The following RBFOX2 variants were observed in gnomAD, a reference collection of about 807,000 sequenced individuals.
RBFOX2 encodes the protein RNA binding protein fox-1 homolog 2.
RBFOX2 carries 10 observed loss-of-function variants against 49.1 expected under a neutral mutation model. The observed-to-expected ratio is 0.20, with a 90% CI of 0.13 to 0.35. The LOEUF (loss-of-function observed/expected upper bound fraction) is 0.35. Among genes scored for constraint, RBFOX2 ranks in the 10% least tolerant of loss-of-function variants. The pLI, the probability that RBFOX2 is intolerant of heterozygous loss-of-function variation, is 1.00. For missense variants in RBFOX2, 323 were observed against 486.9 expected, an observed-to-expected ratio of 0.66 and a Z score of 3.17; for synonymous variants, 183 against 187.4, an observed-to-expected ratio of 0.98 and a Z score of 0.19.
At chr22:35,916,875 A>T (rs1365427662) in intron 1 of RBFOX2, among the ~76,000 whole-genome samples, 1 of 151,598 alleles carries the variant, frequency 6.6e-6, no homozygotes, top group Admixed American at 6.6e-5. Flanking sequence ...TATCTGAAAA[A>T]TTTAAAAAAA....
intron 5 of RBFOX2, among the ~76,000 whole-genome samples, chr22:35,766,042 T>C (rs1212802517): frequency 6.6e-6 from 1 of 152,214 alleles, no homozygotes; most frequent in Non-Finnish European, 1.5e-5. Flanking sequence ...CTAGACTACA[T>C]GGTCTATCAA....
chr22:36,021,254 G>A (rs976473120), intron 1 of RBFOX2, among the ~76,000 whole-genome samples: 1 of 104,580 alleles, frequency 9.6e-6, no homozygotes, highest in Non-Finnish European at 1.8e-5. Context: ...CCTGGGGTGG[G>A]GGGAGGGGGG....
upstream of RBFOX2, among the ~76,000 whole-genome samples, chr22:35,844,913 G>T (rs1322367395): frequency 6.6e-6 from 1 of 152,012 alleles, no homozygotes; most frequent in African/African-American, 2.4e-5. Context: ...GAATAGTTCA[G>T]ATTCTAGACA....
rs946041609 is a variant in RBFOX2 at position 35,750,865 on chromosome 22, A to T, written c.888-4304T>A. On this transcript the variant is annotated intron_variant, in intron 9 of 11. Coordinates refer to ENST00000405409, the Ensembl canonical transcript of RBFOX2. ...TTCACATATCTGTAACCTATCTCTG[A>T]CTTCAAGTTCCAGCTTCTTCAAAGG... is the stretch of plus-strand genomic sequence containing the variant. Among the ~76,000 whole-genome samples, 4 of 152,308 alleles carry T rather than the reference A, an allele frequency of 2.6e-5. No individual in the cohort carries two copies. The South Asian group carries it at 8.3e-4, about 32-fold the overall frequency.
chr22:36,009,138 A>T (rs1222141548), intron 1 of RBFOX2, among the ~76,000 whole-genome samples: 1 of 152,182 alleles, frequency 6.6e-6, no homozygotes, highest in Non-Finnish European at 1.5e-5. Flanking sequence ...ATAAATACTG[A>T]ACTCTGCAGC....
At chr22:35,747,349 C>T (rs1227483630) in intron 9 of RBFOX2, 1 of 152,248 alleles carries the variant, frequency 6.6e-6, no homozygotes, top group African/African-American at 2.4e-5. Flanking sequence ...GCTTCTAGCA[C>T]TTAACTGCAT....
intron 1 of RBFOX2, among the ~76,000 whole-genome samples, chr22:36,013,849 T>C (rs1569523323): frequency 1.3e-5 from 2 of 151,980 alleles, no homozygotes; most frequent in African/African-American, 2.4e-5. Context: ...GTAAAGGGGA[T>C]AGGGACACAT....
At chr22:35,903,365 T>G (rs1051841145) in intron 1 of RBFOX2, among the ~76,000 whole-genome samples, 1 of 152,202 alleles carries the variant, frequency 6.6e-6, no homozygotes, top group Non-Finnish European at 1.5e-5. Context: ...CCATTTTTTT[T>G]GTTTTTTCAT....
chr22:35,956,018 AT>A (rs997948215), intron 1 of RBFOX2, among the ~76,000 whole-genome samples: 4 of 152,064 alleles, frequency 2.6e-5, no homozygotes, highest in South Asian at 2.1e-4. Flanking sequence ...TTATCAATGA[AT>A]TTTTTCATAC....
chr22:35,885,280 C>G (rs982726078), intron 1 of RBFOX2, among the ~76,000 whole-genome samples: 13 of 152,128 alleles, frequency 8.5e-5, no homozygotes, highest in African/African-American at 3.1e-4. Context: ...TTTAGTGAGA[C>G]CTTCAGTCCC....
intron 1 of RBFOX2, among the ~76,000 whole-genome samples, chr22:36,024,825 G>C (rs2059372258): frequency 6.6e-6 from 1 of 151,218 alleles, no homozygotes; most frequent in African/African-American, 2.4e-5. Context: ...TTATTTTTTT[G>C]AGACAGATTT....
chr22:35,865,121 T>C lies in RBFOX2; in HGVS notation c.-33-55117A>G, dbSNP rs547599087. Among the ~76,000 whole-genome samples the C allele has an allele frequency of 2.0e-5, 3 of 152,326 alleles. No homozygotes were observed. In the South Asian group the frequency reaches 6.2e-4, roughly 32 times the overall value. On this transcript the variant is annotated intron_variant, in intron 1 of 13. Transcript: ENST00000359369. ...AACTTTGGAAAAATAACTGTATGAA[T>C]ATATACTACATACATGGATGGATGG...
chr22:35,911,328 TTGG>T (rs2049802170), intron 1 of RBFOX2, among the ~76,000 whole-genome samples: 1 of 152,204 alleles, frequency 6.6e-6, no homozygotes, highest in African/African-American at 2.4e-5. Flanking sequence ...AGTTCTTCAC[TTGG>T]TGGGCTTTTT....
At chr22:35,992,874 A>T (rs958016598) in intron 1 of RBFOX2, 1 of 152,168 alleles carries the variant, frequency 6.6e-6, no homozygotes, top group Non-Finnish European at 1.5e-5. Flanking sequence ...TCAGCCTCGT[A>T]TGTAAATGAA....
At chr22:35,866,486 C>A (rs1316450555) in intron 1 of RBFOX2, among the ~76,000 whole-genome samples, 3 of 152,174 alleles carry the variant, frequency 2.0e-5, no homozygotes, top group Non-Finnish European at 4.4e-5. Context: ...AAACTACAGA[C>A]TTCTGCTTCC....
At chr22:35,803,023 G>A (rs946183797) in intron 2 of RBFOX2, among the ~76,000 whole-genome samples, 6 of 152,052 alleles carry the variant, frequency 3.9e-5, no homozygotes, top group African/African-American at 1.2e-4. Context: ...AGGAAGACAC[G>A]GGTGCCTCCT....
chr22:35,862,654 A>G (rs573046285), intron 1 of RBFOX2, among the ~76,000 whole-genome samples: 1 of 152,324 alleles, frequency 6.6e-6, no homozygotes, highest in Non-Finnish European at 1.5e-5. Context: ...ACCTGGTTGT[A>G]GTACACAAGC....
At chr22:36,026,839 G>A (rs972307284) in intron 1 of RBFOX2, among the ~76,000 whole-genome samples, 1 of 152,184 alleles carries the variant, frequency 6.6e-6, no homozygotes, top group African/African-American at 2.4e-5. Context: ...AGGAGACCAA[G>A]AAGCATACAA....
chr22:35,992,135 T>C (rs144805282), intron 1 of RBFOX2, among the ~76,000 whole-genome samples: 4 of 152,316 alleles, frequency 2.6e-5, no homozygotes, highest in Non-Finnish European at 5.9e-5. Context: ...ACTTGACTCT[T>C]ACCTTGCCAC....
Sources: gnomAD v4.1 joint callset for allele counts (sites outside exome capture counted in the v4.1 genomes callset) on GRCh38, gnomAD v4.1.1 for gene constraint, MANE v1.5 for transcripts, NCBI Gene and HGNC (gene_info 2026-07-23, HGNC 2026-07-21) for gene names.